Variants in PTGFR observed in about 807,000 individuals in gnomAD.
The protein encoded by PTGFR is prostaglandin F2-alpha receptor.
PTGFR carries 15 observed loss-of-function variants against 26.2 expected under a neutral mutation model. The observed-to-expected ratio is 0.57, with a 90% CI of 0.38 to 0.88. The LOEUF (loss-of-function observed/expected upper bound fraction) is 0.88. Ranked by LOEUF, PTGFR falls within the 40% of genes least tolerant of loss-of-function variation. The probability of loss-of-function intolerance (pLI) is 0.00; values close to 1 mark genes in which losing one functional copy is unlikely to be tolerated. For synonymous variants in PTGFR, 165 were observed against 151.1 expected (o/e 1.09, Z -0.68); for missense variants, 369 against 427.2 (o/e 0.86, Z 1.20).
intron 2 of PTGFR, chr1:78,497,815 T>C (rs967957213): frequency 5.2e-6 from 6 of 1,160,874 alleles, no homozygotes; most frequent in Admixed American, 3.6e-5. Flanking sequence ...CTTAGGACGC[T>C]ATTAAACTTC....
chr1:78,515,273 G>A lies in PTGFR; in HGVS notation c.799-21133G>A, dbSNP rs561112898. ...CTGGTTTTAGGTTCCCTTACTCAATGACTGGCCTATACCACCCAACCTGAA... is the reference window on the plus strand; with the variant it reads ...CTGGTTTTAGGTTCCCTTACTCAATAACTGGCCTATACCACCCAACCTGAA... On this transcript the variant is annotated intron_variant, in intron 2 of 2. Transcript: ENST00000370757. 2.6e-5 allele frequency among the ~76,000 whole-genome samples: 4 copies of A among 152,226 alleles called. No individual in the cohort carries two copies. In the South Asian group the frequency reaches 8.3e-4, roughly 32 times the overall value.
chr1:78,531,710 T>G (rs2100399640), intron 2 of PTGFR, among the ~76,000 whole-genome samples: 1 of 152,246 alleles, frequency 6.6e-6, no homozygotes, highest in East Asian at 1.9e-4. Context: ...CCTGGCCTGC[T>G]TTCTGTTAAC....
At chr1:78,523,173 A>T (rs1437509465) in intron 2 of PTGFR, among the ~76,000 whole-genome samples, 6 of 152,076 alleles carry the variant, frequency 3.9e-5, no homozygotes, top group Non-Finnish European at 7.4e-5. Flanking sequence ...CTACACTGAG[A>T]TGAACAACTT....
chr1:78,531,829 G>A (rs868595604), intron 2 of PTGFR, among the ~76,000 whole-genome samples: 15 of 152,074 alleles, frequency 9.9e-5, no homozygotes, highest in African/African-American at 3.4e-4. Context: ...TAGGATTTGA[G>A]AAAGTTAAAG....
chr1:78,519,109 T>C (rs1450829673), intron 2 of PTGFR, among the ~76,000 whole-genome samples: 1 of 152,166 alleles, frequency 6.6e-6, no homozygotes, highest in Non-Finnish European at 1.5e-5. Flanking sequence ...GATACCTTGA[T>C]TTTTGTCTCT....
chr1:78,493,664 C>T lies in PTGFR; in HGVS notation c.798+123C>T, dbSNP rs1330641646. ...CCTACTCAAAATTTATTTCAGCACT[C>T]AGCTCTGGCTTAGAATTACATGACA... On this transcript the variant is annotated intron_variant, in intron 2 of 2. Transcript: ENST00000370757. 3 of 949,972 alleles carry T rather than the reference C, an allele frequency of 3.2e-6. No homozygotes were observed. In the African/African-American group the frequency reaches 5.0e-5, roughly 16 times the overall value. 58.8% of individuals were successfully genotyped at this position (949,972 alleles called of 1,614,324 possible). A position where few individuals can be genotyped will look rare whatever the true frequency, so the allele number is the denominator to read the frequency against.
chr1:78,503,097 G>A (rs538010792), intron 2 of PTGFR, among the ~76,000 whole-genome samples: 2 of 152,104 alleles, frequency 1.3e-5, no homozygotes, highest in Non-Finnish European at 2.9e-5. Flanking sequence ...AATTCCCAGA[G>A]ATACGGAAGT....
At chr1:78,495,827 A>C (rs1649534373) in intron 2 of PTGFR, among the ~76,000 whole-genome samples, 1 of 152,202 alleles carries the variant, frequency 6.6e-6, no homozygotes, top group Non-Finnish European at 1.5e-5. Flanking sequence ...TTTGGAATAA[A>C]TATTACAATT....
Position 78,493,471 on chromosome 1 carries a change from A to T in PTGFR, c.728A>T (p.His243Leu). The change falls in exon 2 of 3, where the codon CAT (histidine) becomes CTT (leucine). Residue 243 changes from histidine (H) to leucine (L), a missense_variant. His to Leu is a moderately conservative substitution (Grantham distance 99). Coordinates refer to ENST00000370757, the MANE Select transcript of PTGFR (RefSeq NM_000959.4). Reference protein sequence around the residue: ...KSQQHRQGRSHHLEMVIQLLA... With the variant: ...KSQQHRQGRSLHLEMVIQLLA... ...CAGCAGCACAGACAAGGCAGATCTCATCATTTGGAAATGGTAATCCAGCTC... is the reference window on the plus strand; with the variant it reads ...CAGCAGCACAGACAAGGCAGATCTCTTCATTTGGAAATGGTAATCCAGCTC... 3 of 1,593,182 alleles carry T rather than the reference A, an allele frequency of 1.9e-6. No homozygotes were observed. Among genetic ancestry groups the T allele is most frequent in the Non-Finnish European group, 1.7e-6 (2 of 1,169,082 alleles).
chr1:78,498,978 A>G (rs1570270799), intron 2 of PTGFR, among the ~76,000 whole-genome samples: 1 of 152,166 alleles, frequency 6.6e-6, no homozygotes, highest in Non-Finnish European at 1.5e-5. Flanking sequence ...CAAAATTCAT[A>G]TCCAGCAGAA....
intron 2 of PTGFR, among the ~76,000 whole-genome samples, chr1:78,527,267 T>C (rs1233733654): frequency 1.3e-5 from 2 of 152,090 alleles, no homozygotes; most frequent in Non-Finnish European, 2.9e-5. Context: ...GTAATGTGAG[T>C]CTTCATTTAA....
intron 2 of PTGFR, among the ~76,000 whole-genome samples, chr1:78,511,453 G>C (rs936028701): frequency 6.6e-6 from 1 of 152,198 alleles, no homozygotes; most frequent in African/African-American, 2.4e-5. Flanking sequence ...ATTTACCTGA[G>C]GCCCTTTGAG....
chr1:78,506,908 C>T (rs528853768), intron 2 of PTGFR, among the ~76,000 whole-genome samples: 18 of 152,142 alleles, frequency 1.2e-4, no homozygotes, highest in Admixed American at 6.6e-4. Flanking sequence ...AGGGAGACTC[C>T]GCATTCTATT....
intron 2 of PTGFR, among the ~76,000 whole-genome samples, chr1:78,507,697 T>A (rs1442637604): frequency 2.6e-5 from 4 of 152,186 alleles, no homozygotes; most frequent in Non-Finnish European, 5.9e-5. Context: ...ACATTTTGTT[T>A]TATTGGCTTT....
intron 2 of PTGFR, among the ~76,000 whole-genome samples, chr1:78,511,030 C>T (rs990097672): frequency 1.3e-5 from 2 of 152,202 alleles, no homozygotes; most frequent in Admixed American, 6.5e-5. Flanking sequence ...GAAAATTCAT[C>T]CCTTTGGCTT....
intron 2 of PTGFR, among the ~76,000 whole-genome samples, chr1:78,511,706 GC>G (rs1399318733): frequency 2.0e-5 from 3 of 151,598 alleles, no homozygotes; most frequent in African/African-American, 7.3e-5. Context: ...GTTGCTCCCA[GC>G]CCACATAAAT....
chr1:78,519,543 G>A (rs1394272956), intron 2 of PTGFR, among the ~76,000 whole-genome samples: 3 of 152,138 alleles, frequency 2.0e-5, no homozygotes, highest in Admixed American at 6.6e-5. Flanking sequence ...CAGTAGTAAC[G>A]TATGAAAACG....
At chr1:78,504,606 G>A (rs1649782606) in intron 2 of PTGFR, among the ~76,000 whole-genome samples, 1 of 152,024 alleles carries the variant, frequency 6.6e-6, no homozygotes, top group Non-Finnish European at 1.5e-5. Context: ...GTTACTGATT[G>A]TTTCATGTTT....
At position 78,520,375 on chromosome 1, in the gene PTGFR, G is replaced by A. The variant is rs1049958484; in HGVS notation, c.799-16031G>A. ...ACCTCTTAAGAATACAATATCTTCCGTATAACCACAGAGAACGGGTTTGGC... is the reference window on the plus strand; with the variant it reads ...ACCTCTTAAGAATACAATATCTTCCATATAACCACAGAGAACGGGTTTGGC... On this transcript the variant is annotated intron_variant, in intron 2 of 2. Transcript: ENST00000370757. Among the ~76,000 whole-genome samples, 20 of 151,956 alleles carry A rather than the reference G, an allele frequency of 1.3e-4. No homozygotes were observed. The East Asian group carries it at 2.1e-3, about 16-fold the overall frequency.
Sources: gnomAD v4.1 joint callset for allele counts (sites outside exome capture counted in the v4.1 genomes callset) on GRCh38, gnomAD v4.1.1 for gene constraint, MANE v1.5 for transcripts, NCBI Gene and HGNC (gene_info 2026-07-23, HGNC 2026-07-21) for gene names.